Variants in ATPSCKMT observed in about 807,000 individuals in gnomAD.
ATPSCKMT encodes the protein ATP synthase subunit C lysine N-methyltransferase.
A neutral mutation model predicts 24.3 loss-of-function variants in ATPSCKMT; 24 were observed. That is an observed-to-expected ratio of 0.99 (90% CI 0.71 to 1.39). The LOEUF is 1.39. Among genes scored for constraint, ATPSCKMT ranks in the 40% most tolerant of loss-of-function variants. ATPSCKMT has a pLI of 0.00. For synonymous variants in ATPSCKMT, 95 were observed against 110.5 expected, an observed-to-expected ratio of 0.86 and a Z score of 0.88; for missense variants, 311 against 298.4, an observed-to-expected ratio of 1.04 and a Z score of -0.31.
In ATPSCKMT at chr5:10,225,564, C is replaced by A. The variant is rs757539527; in HGVS notation, c.*1877G>T. ...AGTTCCATGTGGCTGGAATATCTTA[C>A]GTGAATGGTAGTAGGCAAAAAGAGC... On this transcript the variant is annotated 3_prime_UTR_variant, in exon 5 of 5. Transcript: ENST00000511437. Among the ~76,000 whole-genome samples the A allele has an allele frequency of 6.6e-6, 1 of 152,132 alleles. No homozygotes were observed. Among genetic ancestry groups the A allele is most frequent in the Non-Finnish European group, 1.5e-5 (1 of 68,012 alleles).
Position 10,227,183 on chromosome 5 carries a change from G to A in ATPSCKMT, c.*258C>T. 1 of 475,996 alleles carries A rather than the reference G, an allele frequency of 2.1e-6. No individual in the cohort carries two copies. The highest frequency in any genetic ancestry group is 3.8e-6 in the Non-Finnish European group (1 of 261,630). 29.5% of individuals were successfully genotyped at this position (475,996 alleles called of 1,614,324 possible). Reference sequence around the variant, plus strand: ...ATCTTATTTTCCTACCCATAACCATGACCATCACTTATTCATCTTTTCATG... The same window carrying A: ...ATCTTATTTTCCTACCCATAACCATAACCATCACTTATTCATCTTTTCATG... On this transcript the variant is annotated 3_prime_UTR_variant, in exon 5 of 5. Transcript: ENST00000511437.
chr5:10,232,966 C>T (rs1013974876), intron 4 of ATPSCKMT, among the ~76,000 whole-genome samples: 11 of 152,224 alleles, frequency 7.2e-5, no homozygotes, highest in Non-Finnish European at 1.2e-4. Context: ...TTGACCAGAT[C>T]CAGATGGGAT....
At chr5:10,245,484 G>T in intron 1 of ATPSCKMT, among the ~76,000 whole-genome samples, 1 of 152,144 alleles carries the variant, frequency 6.6e-6, no homozygotes, top group East Asian at 1.9e-4. Context: ...AGTGGCTCAT[G>T]CATGTAATCC....
At position 10,244,161 on chromosome 5, in the gene ATPSCKMT, G is replaced by A. The variant is rs145482884; in HGVS notation, c.17-4805C>T. 7.2e-5 allele frequency among the ~76,000 whole-genome samples: 11 copies of A among 152,230 alleles called. No homozygotes were observed. In the East Asian group the frequency reaches 1.5e-3, roughly 21 times the overall value. ...AGCAGTAGGAAAACACACATTTATC[G>A]ATTAAGTTCACTCTTATTTGGGCAT... On this transcript the variant is annotated intron_variant, in intron 1 of 4. Coordinates refer to ENST00000511437, the MANE Select transcript of ATPSCKMT (RefSeq NM_199133.4).
intron 3 of ATPSCKMT, among the ~76,000 whole-genome samples, chr5:10,235,931 T>C (rs1191321281): frequency 6.6e-6 from 1 of 152,224 alleles, no homozygotes; most frequent in Non-Finnish European, 1.5e-5. Context: ...AATATTACAA[T>C]GGAAAATTCT....
At chr5:10,231,138 A>G (rs1453937805) in intron 4 of ATPSCKMT, among the ~76,000 whole-genome samples, 1 of 151,898 alleles carries the variant, frequency 6.6e-6, no homozygotes, top group East Asian at 1.9e-4. Context: ...CCGGTGGTCT[A>G]AGGTGCTAGA....
At chr5:10,247,369 C>T (rs1287778794) in intron 1 of ATPSCKMT, among the ~76,000 whole-genome samples, 1 of 152,210 alleles carries the variant, frequency 6.6e-6, no homozygotes, top group Non-Finnish European at 1.5e-5. Flanking sequence ...GCGATGGGGT[C>T]TCACTCTGTC....
intron 1 of ATPSCKMT, among the ~76,000 whole-genome samples, chr5:10,240,637 C>T (rs751305375): frequency 6.6e-6 from 1 of 151,982 alleles, no homozygotes. Flanking sequence ...AGAACAGGGT[C>T]GAATGCAGTT....
intron 2 of ATPSCKMT, chr5:10,236,868 CT>C (rs1258842638): frequency 1.4e-6 from 2 of 1,444,226 alleles, no homozygotes; most frequent in Admixed American, 4.2e-5. Flanking sequence ...TTCAGGTTCA[CT>C]TGGAACACCT....
At chr5:10,246,076 G>A (rs112957981) in intron 1 of ATPSCKMT, among the ~76,000 whole-genome samples, 4 of 151,890 alleles carry the variant, frequency 2.6e-5, no homozygotes, top group African/African-American at 9.7e-5. Context: ...TATCACCCCC[G>A]CATCCACCCT....
intron 2 of ATPSCKMT, among the ~76,000 whole-genome samples, chr5:10,238,230 C>T (rs1049742279): frequency 1.3e-5 from 2 of 152,022 alleles, no homozygotes; most frequent in Non-Finnish European, 2.9e-5. Context: ...TACACCTGCA[C>T]ATGGTTAAGA....
At chr5:10,245,548 C>A (rs1744877704) in intron 1 of ATPSCKMT, among the ~76,000 whole-genome samples, 1 of 151,990 alleles carries the variant, frequency 6.6e-6, no homozygotes, top group Non-Finnish European at 1.5e-5. Context: ...GAGTTTAAGA[C>A]CAGCCTGGGC....
chr5:10,243,594 A>G (rs1302046361), intron 1 of ATPSCKMT, among the ~76,000 whole-genome samples: 1 of 152,190 alleles, frequency 6.6e-6, no homozygotes, highest in Non-Finnish European at 1.5e-5. Context: ...TTCACCTTGC[A>G]TTTTCATGCT....
chr5:10,236,823 G>A, intron 2 of ATPSCKMT: 1 of 1,484,446 alleles, frequency 6.7e-7, no homozygotes, highest in Non-Finnish European at 9.0e-7. Context: ...TTCCTTGATT[G>A]GTTAAAGACT....
At chr5:10,231,558 C>A (rs535335950) in intron 4 of ATPSCKMT, among the ~76,000 whole-genome samples, 1 of 151,944 alleles carries the variant, frequency 6.6e-6, no homozygotes, top group African/African-American at 2.4e-5. Flanking sequence ...CCACCCTGCC[C>A]GAGGCGCTCT....
chr5:10,239,502 G>C (rs761792743), intron 1 of ATPSCKMT, 146 bp from the exon 2 acceptor site: 1 of 684,134 alleles, frequency 1.5e-6, no homozygotes, highest in Admixed American at 3.0e-5. Flanking sequence ...TCAACTGTAG[G>C]ATCCCACAAT....
At chr5:10,235,853 T>G (rs1285764401) in intron 3 of ATPSCKMT, among the ~76,000 whole-genome samples, 17 of 152,228 alleles carry the variant, frequency 1.1e-4, no homozygotes. Flanking sequence ...AGAGATCGTT[T>G]ATGCACATAT....
At chr5:10,233,875 C>G (rs1326062659) in intron 4 of ATPSCKMT, among the ~76,000 whole-genome samples, 1 of 152,218 alleles carries the variant, frequency 6.6e-6, no homozygotes, top group Non-Finnish European at 1.5e-5. Context: ...ATCAAAATTG[C>G]GTATCAATCT....
chr5:10,249,407 G>A (rs1396102255), intron 1 of ATPSCKMT: 2 of 185,646 alleles, frequency 1.1e-5, no homozygotes, highest in Non-Finnish European at 2.2e-5. Context: ...AGCTTGCCAG[G>A]CACCGTTCTC....
Sources: gnomAD v4.1 joint callset for allele counts (sites outside exome capture counted in the v4.1 genomes callset) on GRCh38, gnomAD v4.1.1 for gene constraint, MANE v1.5 for transcripts, NCBI Gene and HGNC (gene_info 2026-07-23, HGNC 2026-07-21) for gene names.